The following BTRC variants were observed in gnomAD, a reference collection of about 807,000 sequenced individuals.
BTRC encodes the protein beta-transducin repeat containing E3 ubiquitin protein ligase, also known as F-box/WD repeat-containing protein 1A.
Under a neutral mutation model 85.5 loss-of-function variants are expected in BTRC, and 42 were observed. The ratio of observed to expected loss-of-function variants is 0.49; its 90% CI spans 0.38 to 0.64. The LOEUF is 0.64. Ranked by LOEUF, BTRC falls within the 30% of genes least tolerant of loss-of-function variation. The pLI, the probability that BTRC is intolerant of heterozygous loss-of-function variation, is 0.00. For missense variants in BTRC, 594 were observed against 743.5 expected (o/e 0.80, Z 2.34); for synonymous variants, 255 against 263.3 (o/e 0.97, Z 0.30).
intron 1 of BTRC, among the ~76,000 whole-genome samples, chr10:101,408,116 G>GTT (rs532703013): frequency 6.6e-6 from 1 of 152,120 alleles, no homozygotes; most frequent in South Asian, 2.1e-4. Flanking sequence ...GTATTTTAAA[G>GTT]TTGTAACATA....
intron 1 of BTRC, among the ~76,000 whole-genome samples, chr10:101,397,438 T>C (rs1943392178): frequency 6.6e-6 from 1 of 152,192 alleles, no homozygotes; most frequent in Non-Finnish European, 1.5e-5. Flanking sequence ...TTGACAAAAG[T>C]TAAATCCCTC....
At chr10:101,510,656 C>T (rs916386231) in intron 4 of BTRC, among the ~76,000 whole-genome samples, 3 of 152,050 alleles carry the variant, frequency 2.0e-5, no homozygotes, top group African/African-American at 7.2e-5. Flanking sequence ...TTCTCCTGGC[C>T]GCAGGAGCAA....
chr10:101,357,439 T>TAAA (rs1384274035), intron 1 of BTRC, among the ~76,000 whole-genome samples: 1 of 28,538 alleles, frequency 3.5e-5, no homozygotes. Context: ...AGACTCTGTC[T>TAAA]CAAAAAAAAA....
At chr10:101,392,253 C>T (rs1384229998) in intron 1 of BTRC, among the ~76,000 whole-genome samples, 2 of 152,160 alleles carry the variant, frequency 1.3e-5, no homozygotes, top group Admixed American at 6.5e-5. Context: ...GCTGGGATTA[C>T]AGGCATGAGC....
At chr10:101,509,993 C>T (rs1042238108) in intron 4 of BTRC, among the ~76,000 whole-genome samples, 2 of 151,630 alleles carry the variant, frequency 1.3e-5, no homozygotes, top group Admixed American at 1.3e-4. Flanking sequence ...TGGTAAAACC[C>T]TGTCTCTACT....
intron 4 of BTRC, among the ~76,000 whole-genome samples, 182 bp from the exon 5 acceptor site, chr10:101,521,457 T>C (rs923977632): frequency 6.6e-6 from 1 of 152,248 alleles, no homozygotes; most frequent in Admixed American, 6.5e-5. Context: ...AGTCTTCTAG[T>C]ATTATAGCTG....
intron 1 of BTRC, among the ~76,000 whole-genome samples, chr10:101,362,793 A>G (rs953157015): frequency 9.9e-5 from 15 of 152,232 alleles, no homozygotes; most frequent in Admixed American, 7.9e-4. Context: ...CTGCTAATTC[A>G]ACCATTGATT....
At position 101,547,328 on chromosome 10, in the gene BTRC, CTTTT is replaced by C. The variant is rs71016332; in HGVS notation, c.1657-3348_1657-3345del. 6.3e-5 allele frequency among the ~76,000 whole-genome samples: 5 copies of C among 79,632 alleles called. No individual in the cohort carries two copies. The South Asian group carries it at 2.2e-3, about 35-fold the overall frequency. 52.2% of individuals were successfully genotyped at this position (79,632 alleles called of 152,430 possible). A position where few individuals can be genotyped will look rare whatever the true frequency, so the allele number is the denominator to read the frequency against. On this transcript the variant is annotated intron_variant, in intron 13 of 14. Transcript: ENST00000370187. ...ATAAATAAGTAAATATATGGTTTTT[CTTTT>C]TTTTTTTTTTTTTTTTTTTTTTGAG...
chr10:101,443,627 A>C (rs1432079823), intron 2 of BTRC, among the ~76,000 whole-genome samples: 2 of 152,232 alleles, frequency 1.3e-5, no homozygotes, highest in Non-Finnish European at 2.9e-5. Context: ...CTTCTATGTA[A>C]TCTTCATTAT....
chr10:101,479,332 T>A (rs1945776998), intron 3 of BTRC, 36 bp from the exon 4 acceptor site: 1 of 1,525,652 alleles, frequency 6.6e-7, no homozygotes, highest in Non-Finnish European at 9.1e-7. Flanking sequence ...TATTTCAATA[T>A]TTTAAAAACC....
chr10:101,463,958 A>G (rs1193021426), intron 3 of BTRC, among the ~76,000 whole-genome samples: 1 of 151,986 alleles, frequency 6.6e-6, no homozygotes, highest in Non-Finnish European at 1.5e-5. Flanking sequence ...TAAAAAAAAA[A>G]ACAAACAAAA....
At chr10:101,522,383 A>C (rs538175020) in intron 5 of BTRC, among the ~76,000 whole-genome samples, 2 of 138,568 alleles carry the variant, frequency 1.4e-5, no homozygotes, top group Admixed American at 7.4e-5. Context: ...AAAACAAAAA[A>C]AAAAAAACTC....
At chr10:101,456,845 A>G (rs1334832491) in intron 2 of BTRC, among the ~76,000 whole-genome samples, 1 of 152,212 alleles carries the variant, frequency 6.6e-6, no homozygotes, top group Non-Finnish European at 1.5e-5. Context: ...GTTAATATAA[A>G]AGGTAACAAG....
chr10:101,473,467 T>C (rs940120767), intron 3 of BTRC, among the ~76,000 whole-genome samples: 1 of 135,306 alleles, frequency 7.4e-6, no homozygotes, highest in Admixed American at 7.4e-5. Flanking sequence ...TTTTTTCTCT[T>C]TTTTTTTTTT....
At chr10:101,404,026 A>ATTTTTTTTTTTT (rs1438676972) in intron 1 of BTRC, among the ~76,000 whole-genome samples, 3 of 26,212 alleles carry the variant, frequency 1.1e-4, no homozygotes, top group Non-Finnish European at 1.4e-4. Flanking sequence ...ATATATATAT[A>ATTTTTTTTTTTT]TATATTTTTT....
At chr10:101,461,382 T>TC (rs943573255) in intron 2 of BTRC, among the ~76,000 whole-genome samples, 3 of 152,054 alleles carry the variant, frequency 2.0e-5, no homozygotes, top group Non-Finnish European at 2.9e-5. Flanking sequence ...GTTGTTTTTT[T>TC]CCCCCTCCTA....
rs529650629 is a variant in BTRC, at chr10:101,451,718, C to G, written c.157-10263C>G. Among the ~76,000 whole-genome samples the G allele has an allele frequency of 1.1e-4, 16 of 152,186 alleles. No homozygotes were observed. The South Asian group carries it at 2.9e-3, about 28-fold the overall frequency. ...CTCTGTCAGGTTAATCAATAGGCAC[C>G]GTATGGCAGAGGGTCAGTAATCAGT... On this transcript the variant is annotated intron_variant, in intron 2 of 14. Transcript: ENST00000370187.
intron 1 of BTRC, among the ~76,000 whole-genome samples, chr10:101,385,961 G>A (rs1943068309): frequency 6.6e-6 from 1 of 151,934 alleles, no homozygotes; most frequent in Admixed American, 6.6e-5. Context: ...ATCATAAAGT[G>A]CCATTTTGAG....
At chr10:101,532,829 A>G (rs2062319671) in intron 8 of BTRC, 123 bp from the exon 9 acceptor site, 1 of 765,602 alleles carries the variant, frequency 1.3e-6, no homozygotes, top group Admixed American at 2.3e-5. Flanking sequence ...TACCTATAGA[A>G]AATGCATTCC....
Sources: allele counts gnomAD v4.1 joint callset (sites outside exome capture counted in the v4.1 genomes callset), GRCh38; gene constraint gnomAD v4.1.1; transcripts MANE v1.5; gene names NCBI Gene and HGNC (gene_info 2026-07-23, HGNC 2026-07-21).